DZIP1L: variants seen among roughly 807,000 people sequenced by gnomAD.
DZIP1L encodes the protein cilium assembly protein DZIP1L.
In DZIP1L, 90 loss-of-function variants were observed where a neutral mutation model predicts 88.7. The observed-to-expected ratio is 1.02, with a 90% CI of 0.86 to 1.21. The LOEUF (loss-of-function observed/expected upper bound fraction) is 1.21. Ranked by LOEUF, DZIP1L falls within the 50% of genes most tolerant of loss-of-function variation. The pLI, the probability that DZIP1L is intolerant of heterozygous loss-of-function variation, is 0.00. For synonymous variants in DZIP1L, 363 were observed against 372.1 expected, an observed-to-expected ratio of 0.98 and a Z score of 0.28; for missense variants, 932 against 955.8, an observed-to-expected ratio of 0.98 and a Z score of 0.33.
At chr3:138,102,706 C>T in intron 2 of DZIP1L, 1 of 870,432 alleles carries the variant, frequency 1.1e-6, no homozygotes, top group Non-Finnish European at 2.0e-6. Context: ...GCTCAGCAGG[C>T]TCTGGTTGAC....
At position 138,062,765 on chromosome 3, in the gene DZIP1L, G is replaced by A. The variant is rs367839366; in HGVS notation, c.*51C>T. On this transcript the variant is annotated 3_prime_UTR_variant, in exon 16 of 16. Transcript: ENST00000327532. The stretch of plus-strand genomic sequence containing the variant: ...CAGCCTCTTCTGTTGAAGTGGACCT[G>A]AGCTGGCCCCAGCCAGGCTAACCCT... The A allele has an allele frequency of 8.7e-5, 140 of 1,604,722 alleles. 1 individual carries two copies. In the Middle Eastern group the frequency reaches 2.3e-3, roughly 26 times the overall value.
At chr3:138,072,386 G>A (rs2107747149) in intron 11 of DZIP1L, among the ~76,000 whole-genome samples, 1 of 152,284 alleles carries the variant, frequency 6.6e-6, no homozygotes, top group Admixed American at 6.5e-5. Context: ...TGCAAGGTTA[G>A]AAAGGAATGT....
intron 4 of DZIP1L, 131 bp downstream of exon 4, chr3:138,094,731 C>T: frequency 7.2e-7 from 1 of 1,396,412 alleles, no homozygotes; most frequent in Non-Finnish European, 9.7e-7. Context: ...TCCAAGAAGG[C>T]ACTATCCCAG....
chr3:138,101,927 C>T (rs565561358), intron 2 of DZIP1L: 31 of 1,467,760 alleles, frequency 2.1e-5, no homozygotes, highest in Middle Eastern at 2.0e-4. Context: ...TCGGCATCTG[C>T]GATGCCCTCT....
intron 12 of DZIP1L, chr3:138,068,915 G>A (rs959528045): frequency 9.6e-6 from 12 of 1,254,512 alleles, no homozygotes; most frequent in African/African-American, 3.1e-5. Context: ...GAGCGGTCCC[G>A]GATCAGCAAG....
In DZIP1L at chr3:138,062,700, A is replaced by C; in HGVS notation, c.*116T>G. 1 of 1,218,578 alleles carries C rather than the reference A, an allele frequency of 8.2e-7. No homozygotes were observed. Among genetic ancestry groups the C allele is most frequent in the South Asian group, 1.4e-5 (1 of 72,888 alleles). 75.5% of individuals were successfully genotyped at this position (1,218,578 alleles called of 1,614,324 possible). On this transcript the variant is annotated 3_prime_UTR_variant, in exon 16 of 16. Coordinates refer to ENST00000327532, the MANE Select transcript of DZIP1L (RefSeq NM_173543.3). ...ATTCCCTGCACTGCTTCTCTCCAAG[A>C]GGATGATCTCTTGGTTGTTTGTGAA...
At chr3:138,069,708 A>C (rs957234622) in intron 12 of DZIP1L, among the ~76,000 whole-genome samples, 8 of 152,156 alleles carry the variant, frequency 5.3e-5, no homozygotes, top group African/African-American at 1.9e-4. Flanking sequence ...AGCTCCACGG[A>C]AGAAAGTGGT....
Position 138,092,103 on chromosome 3 carries a change from T to C in DZIP1L, c.870+280A>G, listed in dbSNP as rs187512877. The stretch of plus-strand genomic sequence containing the variant: ...GCTGGATAATGTTACATACTGTATA[T>C]GTACTAATTTAACCCTCTCAGTAGC... On this transcript the variant is annotated intron_variant, in intron 5 of 15. Transcript: ENST00000327532. Among the ~76,000 whole-genome samples the C allele has an allele frequency of 2.8e-3, 432 of 152,372 alleles. 1 individual carries two copies. Among genetic ancestry groups the C allele is most frequent in the African/African-American group, 0.01 (417 of 41,590 alleles).
In DZIP1L at chr3:138,067,712, A is replaced by C. The variant is rs768806607; in HGVS notation, c.1833-12T>G. On this transcript the variant is annotated splice_polypyrimidine_tract_variant and intron_variant, in intron 13 of 15. Coordinates refer to ENST00000327532, the MANE Select transcript of DZIP1L (RefSeq NM_173543.3). The stretch of plus-strand genomic sequence containing the variant: ...TGAACGGGGGCGTGCTGCCACGAGG[A>C]GGAGAAGAAATGAGGGATGCATGGG... 1 of 1,537,970 alleles carries C rather than the reference A, an allele frequency of 6.5e-7. No homozygotes were observed. Among genetic ancestry groups the C allele is most frequent in the Non-Finnish European group, 8.7e-7 (1 of 1,145,032 alleles).
intron 5 of DZIP1L, 75 bp downstream of exon 5, chr3:138,092,307 CA>C: frequency 7.1e-7 from 1 of 1,417,018 alleles, no homozygotes; most frequent in Non-Finnish European, 9.3e-7. Flanking sequence ...GAAATAAAAC[CA>C]GTACAAACTA....
intron 1 of DZIP1L, among the ~76,000 whole-genome samples, chr3:138,106,465 A>G (rs189058151): frequency 1.1e-4 from 17 of 151,886 alleles, no homozygotes; most frequent in African/African-American, 4.1e-4. Context: ...AAAGTGCAAT[A>G]GAAAGTGCAC....
rs1398409981 is a variant in DZIP1L, at chr3:138,084,269, T to C, written c.1063-16A>G. ...CCTCCTGTAGCTGGCAGGCACAAGATGGCTGGTCAGTCAAATGTCTGCAGG... is the reference window on the plus strand; with the variant it reads ...CCTCCTGTAGCTGGCAGGCACAAGACGGCTGGTCAGTCAAATGTCTGCAGG... On this transcript the variant is annotated splice_polypyrimidine_tract_variant and intron_variant, in intron 7 of 15. Transcript: ENST00000327532. 3.3e-5 allele frequency: 53 copies of C among 1,612,152 alleles called. No individual in the cohort carries two copies. The highest frequency in any genetic ancestry group is 4.3e-5 in the Non-Finnish European group (51 of 1,179,270).
Position 138,086,124 on chromosome 3 carries a change from G to A in DZIP1L, c.1062+837C>T, listed in dbSNP as rs1348419581. Among the ~76,000 whole-genome samples, 3 of 151,742 alleles carry A rather than the reference G, an allele frequency of 2.0e-5. No homozygotes were observed. In the East Asian group the frequency reaches 5.8e-4, roughly 29 times the overall value. On this transcript the variant is annotated intron_variant, in intron 7 of 15. Transcript: ENST00000327532. ...GACTGTTGTGGGGTGGGGGGAGTGG[G>A]GAGGGATAGCATTAGGAGATATACC...
intron 11 of DZIP1L, among the ~76,000 whole-genome samples, chr3:138,076,578 C>T (rs1386311536): frequency 6.6e-6 from 1 of 152,166 alleles, no homozygotes; most frequent in African/African-American, 2.4e-5. Context: ...TACTACTCAG[C>T]CCTAAAAAGG....
rs775711836 is a variant in DZIP1L at position 138,088,468 on chromosome 3, T to C, written c.910A>G (p.Lys304Glu). 4 of 1,614,032 alleles carry C rather than the reference T, an allele frequency of 2.5e-6. No homozygotes were observed. Among genetic ancestry groups the C allele is most frequent in the African/African-American group, 1.3e-5 (1 of 75,028 alleles). The change falls in exon 6 of 16, where the codon AAG becomes GAG. Residue 304 changes from lysine (K) to glutamate (E), a missense_variant. By Grantham distance (56) the Lys-to-Glu change is moderately conservative. Coordinates refer to ENST00000327532, the MANE Select transcript of DZIP1L (RefSeq NM_173543.3). ...TCCTCATCTCGCAGTGATCCCAGCT[T>C]GGACTCCATCACACTGTGGGACTGC... ...ALQSHSVMESKLGSLRDEESE... is the reference protein window; with the variant it reads ...ALQSHSVMESELGSLRDEESE...
intron 8 of DZIP1L, among the ~76,000 whole-genome samples, chr3:138,082,133 T>C (rs1278917517): frequency 6.6e-6 from 1 of 152,196 alleles, no homozygotes; most frequent in Non-Finnish European, 1.5e-5. Context: ...CCTCCCACAA[T>C]GCGGGCGTCT....
chr3:138,065,500 C>G (rs1309426933), intron 14 of DZIP1L, among the ~76,000 whole-genome samples: 1 of 152,236 alleles, frequency 6.6e-6, no homozygotes, highest in Non-Finnish European at 1.5e-5. Flanking sequence ...ACCACCTGCA[C>G]AAGGACAAGC....
chr3:138,103,635 C>T lies in DZIP1L; in HGVS notation c.337G>A (p.Ala113Thr). Residue 113 changes from alanine to threonine, a missense_variant, in exon 2 of 16, where the codon GCA (alanine) becomes ACA (threonine). Coordinates refer to ENST00000327532, the MANE Select transcript of DZIP1L (RefSeq NM_173543.3). Reference protein sequence around the residue: ...CLSASVAQLEARLQTSLGQQQ... With the variant: ...CLSASVAQLETRLQTSLGQQQ... Reference sequence around the variant, plus strand: ...TGGCCCAGGCTGGTCTGCAGCCGTGCCTCCAGCTGGGCAACACTGGCACTC... The same window carrying T: ...TGGCCCAGGCTGGTCTGCAGCCGTGTCTCCAGCTGGGCAACACTGGCACTC... 1 of 1,607,286 alleles carries T rather than the reference C, an allele frequency of 6.2e-7. No individual in the cohort carries two copies. The highest frequency in any genetic ancestry group is 8.5e-7 in the Non-Finnish European group (1 of 1,179,224).
chr3:138,094,784 T>C (rs1265304939), intron 4 of DZIP1L, 78 bp downstream of exon 4: 14 of 1,580,212 alleles, frequency 8.9e-6, no homozygotes, highest in Non-Finnish European at 1.2e-5. Flanking sequence ...ATTTTTGCCC[T>C]GTGGGATTCA....
Sources: allele counts gnomAD v4.1 joint callset (sites outside exome capture counted in the v4.1 genomes callset), GRCh38; gene constraint gnomAD v4.1.1; transcripts MANE v1.5; gene names NCBI Gene and HGNC (gene_info 2026-07-23, HGNC 2026-07-21).